The following CFAP54 variants were observed in gnomAD, a reference collection of about 807,000 sequenced individuals.
The protein encoded by CFAP54 is cilia- and flagella-associated protein 54.
Under a neutral mutation model 370.4 loss-of-function variants are expected in CFAP54, and 290 were observed. The observed-to-expected ratio is 0.78, with a 90% CI of 0.71 to 0.86. CFAP54 has a LOEUF of 0.86. Among genes scored for constraint, CFAP54 ranks in the 40% least tolerant of loss-of-function variants. The pLI is 0.00. For synonymous variants in CFAP54, 1,206 were observed against 1,236.5 expected (o/e 0.98, Z 0.52); for missense variants, 3,399 against 3,528.7 (o/e 0.96, Z 0.93).
intron 15 of CFAP54, among the ~76,000 whole-genome samples, chr12:96,551,471 A>G (rs1168334539): frequency 6.9e-6 from 1 of 145,064 alleles, no homozygotes; most frequent in Admixed American, 7.1e-5. Context: ...TGAGCCTGCG[A>G]TTCTTGAATG....
chr12:96,860,521 T>C (rs901099892), intron 66 of CFAP54, among the ~76,000 whole-genome samples: 1 of 152,226 alleles, frequency 6.6e-6, no homozygotes, highest in Non-Finnish European at 1.5e-5. Flanking sequence ...CAATCTGTTA[T>C]GCAGGAAAGC....
At chr12:96,533,049 C>T (rs188740995) in intron 9 of CFAP54, among the ~76,000 whole-genome samples, 28 of 152,258 alleles carry the variant, frequency 1.8e-4, no homozygotes, top group Admixed American at 1.8e-3. Context: ...CAGACTCTAG[C>T]ACTCTACTAA....
intron 55 of CFAP54, among the ~76,000 whole-genome samples, chr12:96,753,488 A>T (rs557346648): frequency 2.0e-5 from 3 of 152,300 alleles, no homozygotes; most frequent in African/African-American, 7.2e-5. Flanking sequence ...GTTTTGAGAG[A>T]TTATCCTTCA....
At chr12:96,868,573 G>A (rs1960070054) in intron 67 of CFAP54, among the ~76,000 whole-genome samples, 1 of 149,358 alleles carries the variant, frequency 6.7e-6, no homozygotes, top group Non-Finnish European at 1.5e-5. Context: ...TTTTTAAATT[G>A]TGGCAGTCTA....
At chr12:96,596,283 A>G (rs531029298) in intron 25 of CFAP54, among the ~76,000 whole-genome samples, 2 of 152,238 alleles carry the variant, frequency 1.3e-5, no homozygotes, top group East Asian at 1.9e-4. Flanking sequence ...CTAGAATCCC[A>G]CTGATTCAGG....
At chr12:96,711,567 C>A (rs568162078) in intron 48 of CFAP54, among the ~76,000 whole-genome samples, 208 of 152,286 alleles carry the variant, frequency 1.4e-3, no homozygotes, top group African/African-American at 4.8e-3. Context: ...AAGTTTCCAT[C>A]TCACTGAACA....
At chr12:96,596,440 A>G (rs1476440285) in intron 25 of CFAP54, among the ~76,000 whole-genome samples, 1 of 152,116 alleles carries the variant, frequency 6.6e-6, no homozygotes, top group African/African-American at 2.4e-5. Context: ...AGAATGTAAT[A>G]TATGACAGAG....
At chr12:96,565,775 TAAGAA>T (rs1955860427) in intron 19 of CFAP54, among the ~76,000 whole-genome samples, 1 of 152,154 alleles carries the variant, frequency 6.6e-6, no homozygotes, top group South Asian at 2.1e-4. Flanking sequence ...CAGATGTAGA[TAAGAA>T]AAGTTTGTTG....
chr12:96,572,395 G>A (rs1172991285), intron 19 of CFAP54, among the ~76,000 whole-genome samples: 1 of 152,118 alleles, frequency 6.6e-6, no homozygotes, highest in Non-Finnish European at 1.5e-5. Flanking sequence ...AAATGCGTGG[G>A]CAATTCTGAG....
intron 1 of CFAP54, among the ~76,000 whole-genome samples, chr12:96,495,401 G>A (rs534716230): frequency 4.6e-4 from 70 of 151,766 alleles, no homozygotes; most frequent in African/African-American, 1.3e-3. Flanking sequence ...TCTGCCTCCC[G>A]GGTGCAGTCA....
chr12:96,733,828 C>G (rs1174584040), intron 50 of CFAP54, among the ~76,000 whole-genome samples: 1 of 152,120 alleles, frequency 6.6e-6, no homozygotes. Flanking sequence ...TAGTAAGATG[C>G]CAAACCTCAT....
chr12:96,837,213 T>G (rs1959189023), intron 66 of CFAP54, among the ~76,000 whole-genome samples: 1 of 152,204 alleles, frequency 6.6e-6, no homozygotes, highest in Non-Finnish European at 1.5e-5. Context: ...TTAACATACT[T>G]TATTTAGGCA....
intron 3 of CFAP54, among the ~76,000 whole-genome samples, chr12:96,506,679 C>T (rs1955105164): frequency 6.6e-6 from 1 of 151,402 alleles, no homozygotes; most frequent in Non-Finnish European, 1.5e-5. Context: ...CTCTGCCTCC[C>T]AGGTTCAAAC....
chr12:96,630,313 A>G, intron 31 of CFAP54, 109 bp downstream of exon 31: 1 of 595,408 alleles, frequency 1.7e-6, no homozygotes, highest in South Asian at 2.8e-5. Flanking sequence ...AGAAGGATAT[A>G]CTAACAAGCA....
chr12:96,742,459 C>G lies in CFAP54; in HGVS notation c.7092C>G (p.Asp2364Glu), dbSNP rs2136642197. 2 of 1,585,318 alleles carry G rather than the reference C, an allele frequency of 1.3e-6. No individual in the cohort carries two copies. Among genetic ancestry groups the G allele is most frequent in the South Asian group, 2.2e-5 (2 of 90,156 alleles). ...TTTAGGTCACTGAAAATAAAGATGA[C>G]AGTGAGTTTTTAGATCCTATTTCCC... ...PGTSVTENKD[D>E]SEFLDPISLN... Residue 2364 changes from aspartate to glutamate, a missense_variant, in exon 52 of 68, where the codon GAC (aspartate) becomes GAG (glutamate). Physicochemically the swap from Asp to Glu is conservative, Grantham distance 45. Coordinates refer to ENST00000524981, the MANE Select transcript of CFAP54 (RefSeq NM_001306084.2).
intron 1 of CFAP54, among the ~76,000 whole-genome samples, chr12:96,498,497 A>G (rs1339234611): frequency 2.6e-5 from 4 of 152,196 alleles, no homozygotes; most frequent in Non-Finnish European, 1.5e-5. Flanking sequence ...TATTAAAAAT[A>G]CAAAAATTAG....
chr12:96,726,635 T>C (rs1480492165), intron 50 of CFAP54, among the ~76,000 whole-genome samples: 1 of 151,896 alleles, frequency 6.6e-6, no homozygotes, highest in African/African-American at 2.4e-5. Context: ...AGCTCCTGGA[T>C]TCATTAATTT....
intron 14 of CFAP54, among the ~76,000 whole-genome samples, chr12:96,543,750 T>C (rs547110634): frequency 6.6e-6 from 1 of 152,326 alleles, no homozygotes; most frequent in African/African-American, 2.4e-5. Flanking sequence ...TAAGATATTT[T>C]GAAGCTGAAA....
intron 63 of CFAP54, among the ~76,000 whole-genome samples, chr12:96,797,830 A>AATAATCC (rs1367924632): frequency 5.3e-5 from 8 of 152,112 alleles, no homozygotes; most frequent in Middle Eastern, 3.4e-3. Flanking sequence ...CTTCTGACTG[A>AATAATCC]ATAATCCATT....
Sources: gnomAD v4.1 joint callset for allele counts (sites outside exome capture counted in the v4.1 genomes callset) on GRCh38, gnomAD v4.1.1 for gene constraint, MANE v1.5 for transcripts, NCBI Gene and HGNC (gene_info 2026-07-23, HGNC 2026-07-21) for gene names.